The following CTNND2 variants were observed in gnomAD, a reference collection of about 807,000 sequenced individuals.
CTNND2 encodes catenin delta 2, also known as catenin delta-2.
CTNND2 carries 22 observed loss-of-function variants against 144.4 expected under a neutral mutation model. That is an observed-to-expected ratio of 0.15 (90% CI 0.11 to 0.22). The LOEUF (loss-of-function observed/expected upper bound fraction) is 0.22, where lower values mean the gene tolerates loss of function less well. Ranked by LOEUF, CTNND2 falls within the 10% of genes least tolerant of loss-of-function variation. The probability of loss-of-function intolerance (pLI) is 1.00; values close to 1 mark genes in which losing one functional copy is unlikely to be tolerated. For synonymous variants in CTNND2, 751 were observed against 695.6 expected, an observed-to-expected ratio of 1.08 and a Z score of -1.25; for missense variants, 1,353 against 1,618.8, an observed-to-expected ratio of 0.84 and a Z score of 2.82.
At chr5:11,283,816 T>C (rs2150001689) in intron 9 of CTNND2, among the ~76,000 whole-genome samples, 1 of 151,914 alleles carries the variant, frequency 6.6e-6, no homozygotes, top group East Asian at 1.9e-4. Flanking sequence ...AATCACACGT[T>C]AAATTTTTCA....
intron 3 of CTNND2, among the ~76,000 whole-genome samples, chr5:11,518,250 A>G (rs1291742454): frequency 6.6e-6 from 1 of 151,780 alleles, no homozygotes; most frequent in African/African-American, 2.4e-5. Flanking sequence ...TTTACTTAAA[A>G]CATTTAAAGA....
At chr5:11,453,771 T>C (rs1328943695) in intron 3 of CTNND2, among the ~76,000 whole-genome samples, 1 of 152,066 alleles carries the variant, frequency 6.6e-6, no homozygotes, top group African/African-American at 2.4e-5. Context: ...AGATGTAACA[T>C]GAATCTCTTT....
In CTNND2 at chr5:11,346,474, C is replaced by A; in HGVS notation, c.1526G>T (p.Cys509Phe). Residue 509 changes from cysteine (C) to phenylalanine (F), a missense_variant, in exon 9 of 22, where the codon TGT (cysteine) becomes TTT (phenylalanine). Cys to Phe is a radical substitution (Grantham distance 205, BLOSUM62 -2). Around this residue, in one of 4 missense-constraint regions of CTNND2, gnomAD observed 708 missense variants for 706.4 expected, o/e 1.00. Coordinates refer to ENST00000304623, the MANE Select transcript of CTNND2 (RefSeq NM_001332.4). ...GCTGTATGGAGACTCAACAGAGGGACAATACTGCAGCTGTCGGTAGGGGTC... is the reference window on the plus strand; with the variant it reads ...GCTGTATGGAGACTCAACAGAGGGAAAATACTGCAGCTGTCGGTAGGGGTC... ...YADPYRQLQY[C>F]PSVESPYSKS... 6.2e-7 allele frequency: 1 copy of A among 1,600,736 alleles called. No homozygotes were observed. Among genetic ancestry groups the A allele is most frequent in the Non-Finnish European group, 8.5e-7 (1 of 1,173,506 alleles).
intron 1 of CTNND2, among the ~76,000 whole-genome samples, chr5:11,819,268 T>C (rs942913367): frequency 6.6e-6 from 1 of 152,076 alleles, no homozygotes; most frequent in Non-Finnish European, 1.5e-5. Context: ...ACCCTGTTTC[T>C]ACTAAAAATA....
At chr5:11,306,823 T>C (rs1750267063) in intron 9 of CTNND2, among the ~76,000 whole-genome samples, 1 of 152,210 alleles carries the variant, frequency 6.6e-6, no homozygotes, top group Admixed American at 6.5e-5. Flanking sequence ...TGAAGTGTGA[T>C]CTTAAATTCA....
chr5:11,573,469 C>G (rs1029960381), intron 2 of CTNND2, among the ~76,000 whole-genome samples: 1 of 152,230 alleles, frequency 6.6e-6, no homozygotes, highest in South Asian at 2.1e-4. Flanking sequence ...GTTGCCAAGC[C>G]AAGTTTGAAG....
intron 2 of CTNND2, among the ~76,000 whole-genome samples, chr5:11,714,565 C>T (rs1331269161): frequency 6.6e-6 from 1 of 152,104 alleles, no homozygotes; most frequent in Non-Finnish European, 1.5e-5. Flanking sequence ...TTAGCCTCAT[C>T]TTCATTTTAA....
At chr5:11,174,318 G>C (rs929842348) in intron 11 of CTNND2, among the ~76,000 whole-genome samples, 1 of 152,166 alleles carries the variant, frequency 6.6e-6, no homozygotes, top group Non-Finnish European at 1.5e-5. Context: ...AGTCACAGAA[G>C]TAAAGAAATA....
At chr5:11,576,693 C>CA (rs1777997625) in intron 2 of CTNND2, among the ~76,000 whole-genome samples, 1 of 152,276 alleles carries the variant, frequency 6.6e-6, no homozygotes, top group African/African-American at 2.4e-5. Context: ...TATCCTACAT[C>CA]ATTACATGGC....
intron 3 of CTNND2, among the ~76,000 whole-genome samples, chr5:11,442,844 A>G (rs1357061860): frequency 8.1e-6 from 1 of 123,502 alleles, no homozygotes; most frequent in Non-Finnish European, 1.8e-5. Context: ...ATAATTTTAT[A>G]TAATATAATG....
intron 3 of CTNND2, among the ~76,000 whole-genome samples, chr5:11,434,110 T>C (rs561096197): frequency 2.7e-4 from 41 of 152,324 alleles, no homozygotes; most frequent in East Asian, 7.7e-4. Context: ...CAATCTGTAG[T>C]ATATTTATAC....
intron 10 of CTNND2, among the ~76,000 whole-genome samples, chr5:11,207,762 C>T (rs1408424752): frequency 6.6e-6 from 1 of 152,194 alleles, no homozygotes; most frequent in Non-Finnish European, 1.5e-5. Context: ...TGAACTTGAA[C>T]TTGACTCTGA....
chr5:11,541,695 T>C (rs578009283), intron 3 of CTNND2, among the ~76,000 whole-genome samples: 212 of 152,312 alleles, frequency 1.4e-3, no homozygotes, highest in Non-Finnish European at 2.0e-3. Context: ...CTCAACTGAA[T>C]TGACTGTTTT....
At chr5:11,783,394 C>A (rs1193058958) in intron 1 of CTNND2, among the ~76,000 whole-genome samples, 1 of 152,062 alleles carries the variant, frequency 6.6e-6, no homozygotes, top group African/African-American at 2.4e-5. Context: ...ACCCTACTCT[C>A]AGGAATCTGC....
chr5:11,281,913 A>AT (rs796830918), intron 9 of CTNND2, among the ~76,000 whole-genome samples: 10 of 152,340 alleles, frequency 6.6e-5, no homozygotes, highest in African/African-American at 2.2e-4. Context: ...GAATTTTAGC[A>AT]TAACACAGGT....
rs576405956 is a variant in CTNND2 at position 11,297,842 on chromosome 5, T to C, written c.1628+48530A>G. ...ATGCAAAAATCTATTCCACCCACCA[T>C]TGTCTAACAAATTTCCATATCTTTA... On this transcript the variant is annotated intron_variant, in intron 9 of 21. Coordinates refer to ENST00000304623, the MANE Select transcript of CTNND2 (RefSeq NM_001332.4). 9.2e-5 allele frequency among the ~76,000 whole-genome samples: 14 copies of C among 152,292 alleles called. No individual in the cohort carries two copies. The East Asian group carries it at 2.1e-3, about 23-fold the overall frequency.
intron 2 of CTNND2, among the ~76,000 whole-genome samples, chr5:11,585,488 C>A (rs1581561652): frequency 6.8e-6 from 1 of 146,474 alleles, no homozygotes; most frequent in African/African-American, 2.6e-5. Context: ...CTATGTATAT[C>A]TATCTATCTA....
chr5:11,406,729 C>A (rs1165957256), intron 5 of CTNND2, among the ~76,000 whole-genome samples: 2 of 152,020 alleles, frequency 1.3e-5, no homozygotes, highest in Admixed American at 1.3e-4. Flanking sequence ...TATGATTATT[C>A]TATTTTAATT....
intron 2 of CTNND2, among the ~76,000 whole-genome samples, chr5:11,722,010 AGTTTATTGTCAC>A (rs1232614827): frequency 6.6e-6 from 1 of 152,212 alleles, no homozygotes; most frequent in Non-Finnish European, 1.5e-5. Context: ...TTTTAGGCTA[AGTTTATTGTCAC>A]AATTCCCCTG....
Sources: gnomAD v4.1 joint callset for allele counts (sites outside exome capture counted in the v4.1 genomes callset) on GRCh38, gnomAD v4.1.1 for gene constraint, gnomAD v4.1.1 regional missense constraint, MANE v1.5 for transcripts, NCBI Gene and HGNC (gene_info 2026-07-23, HGNC 2026-07-21) for gene names.